The following ATP13A5 variants were observed in gnomAD, a reference collection of about 807,000 sequenced individuals.
ATP13A5 encodes probable cation-transporting ATPase 13A5.
ATP13A5 carries 149 observed loss-of-function variants against 150.2 expected under a neutral mutation model. The observed-to-expected ratio is 0.99, with a 90% CI of 0.87 to 1.14. The LOEUF (loss-of-function observed/expected upper bound fraction) is 1.14. Ranked by LOEUF, ATP13A5 falls within the 50% of genes most tolerant of loss-of-function variation. ATP13A5 has a pLI of 0.00. For synonymous variants in ATP13A5, 497 were observed against 522.2 expected, an observed-to-expected ratio of 0.95 and a Z score of 0.66; for missense variants, 1,383 against 1,449.3, an observed-to-expected ratio of 0.95 and a Z score of 0.74.
intron 9 of ATP13A5, among the ~76,000 whole-genome samples, chr3:193,339,849 T>C (rs1464889015): frequency 6.6e-6 from 1 of 152,178 alleles, no homozygotes; most frequent in African/African-American, 2.4e-5. Context: ...TAGGCTAACA[T>C]CAGTAAACTG....
intron 7 of ATP13A5, among the ~76,000 whole-genome samples, chr3:193,349,459 T>C (rs1560145182): frequency 6.6e-6 from 1 of 151,380 alleles, no homozygotes; most frequent in Non-Finnish European, 1.5e-5. Flanking sequence ...GGAGTTCTTA[T>C]AAGCAAAACA....
intron 8 of ATP13A5, 104 bp from the exon 9 acceptor site, chr3:193,344,159 C>G: frequency 7.1e-7 from 1 of 1,413,734 alleles, no homozygotes; most frequent in Non-Finnish European, 9.5e-7. Context: ...AAGAGCTACC[C>G]TACCTGTTCA....
At chr3:193,319,509 A>C (rs532426816) in intron 16 of ATP13A5, among the ~76,000 whole-genome samples, 65 of 152,364 alleles carry the variant, frequency 4.3e-4, no homozygotes, top group African/African-American at 1.4e-3. Flanking sequence ...GGAAGAAGGC[A>C]ACCATCTGCA....
At chr3:193,285,891 C>T (rs528800773) in intron 26 of ATP13A5, among the ~76,000 whole-genome samples, 1 of 152,264 alleles carries the variant, frequency 6.6e-6, no homozygotes, top group African/African-American at 2.4e-5. Flanking sequence ...CGGTTAAAGG[C>T]AATAACACAT....
At chr3:193,337,352 A>AG (rs1235598425) in intron 9 of ATP13A5, among the ~76,000 whole-genome samples, 2 of 152,152 alleles carry the variant, frequency 1.3e-5, no homozygotes, top group Non-Finnish European at 2.9e-5. Flanking sequence ...GTTTTCTTCT[A>AG]GGGTTTTTAT....
At chr3:193,280,304 G>T (rs557798566) in intron 27 of ATP13A5, among the ~76,000 whole-genome samples, 1 of 151,978 alleles carries the variant, frequency 6.6e-6, no homozygotes, top group African/African-American at 2.4e-5. Flanking sequence ...CACCCGCCTC[G>T]GCCTCCCAAA....
chr3:193,338,978 G>A (rs1056461319), intron 9 of ATP13A5, among the ~76,000 whole-genome samples: 8 of 152,120 alleles, frequency 5.3e-5, no homozygotes, highest in South Asian at 2.1e-4. Context: ...TGTATATGTC[G>A]AGGAATTTAT....
intron 10 of ATP13A5, 108 bp from the exon 11 acceptor site, chr3:193,334,015 C>CTACCTAA (rs1711749340): frequency 1.0e-6 from 1 of 966,172 alleles, no homozygotes; most frequent in Non-Finnish European, 1.5e-6. Context: ...CTCTAACCTT[C>CTACCTAA]TACCTAATCA....
chr3:193,357,949 C>G (rs1007689358), intron 5 of ATP13A5, among the ~76,000 whole-genome samples: 3 of 142,924 alleles, frequency 2.1e-5, no homozygotes, highest in African/African-American at 8.3e-5. Context: ...GGTCCATGTC[C>G]CTTTTCATTT....
chr3:193,301,355 T>A (rs764945983), intron 23 of ATP13A5, 48 bp from the exon 24 acceptor site: 2 of 1,393,318 alleles, frequency 1.4e-6, no homozygotes, highest in Non-Finnish European at 2.0e-6. Flanking sequence ...ATGATAAATG[T>A]CTCCCAACTT....
At chr3:193,302,069 C>G (rs186160501) in intron 23 of ATP13A5, among the ~76,000 whole-genome samples, 11 of 152,244 alleles carry the variant, frequency 7.2e-5, no homozygotes, top group Admixed American at 5.2e-4. Context: ...GGGACCTCAG[C>G]AAACCAGCTC....
chr3:193,325,591 G>A (rs761488248), intron 13 of ATP13A5, among the ~76,000 whole-genome samples: 1 of 152,218 alleles, frequency 6.6e-6, no homozygotes, highest in Non-Finnish European at 1.5e-5. Flanking sequence ...TCTGCAGAAA[G>A]CCACACAGCC....
intron 25 of ATP13A5, among the ~76,000 whole-genome samples, chr3:193,291,958 T>A (rs1045222692): frequency 3.9e-5 from 6 of 152,108 alleles, no homozygotes; most frequent in Admixed American, 2.0e-4. Context: ...TTGTAGCAAA[T>A]TGTTGAACCC....
intron 17 of ATP13A5, among the ~76,000 whole-genome samples, chr3:193,317,916 C>A (rs971528865): frequency 1.3e-5 from 2 of 152,224 alleles, no homozygotes; most frequent in Admixed American, 1.3e-4. Context: ...TTTCTTCACA[C>A]ATGTCCTTAA....
intron 25 of ATP13A5, among the ~76,000 whole-genome samples, chr3:193,296,323 G>T (rs948881670): frequency 5.9e-5 from 9 of 152,090 alleles, no homozygotes; most frequent in African/African-American, 2.2e-4. Context: ...AAATGTGGGT[G>T]TTGCCATGTT....
At chr3:193,301,382 G>T in intron 23 of ATP13A5, 75 bp from the exon 24 acceptor site, 1 of 1,119,200 alleles carries the variant, frequency 8.9e-7, no homozygotes, top group Non-Finnish European at 1.3e-6. Context: ...TACTTAAAAC[G>T]AGTTATATTT....
At chr3:193,299,343 AT>A in intron 24 of ATP13A5, 140 bp from the exon 25 acceptor site, 1 of 598,766 alleles carries the variant, frequency 1.7e-6, no homozygotes, top group East Asian at 3.0e-5. Context: ...CTAACCTAAA[AT>A]TATTAGCATC....
chr3:193,365,428 T>C (rs1431696775), intron 1 of ATP13A5, among the ~76,000 whole-genome samples: 1 of 152,122 alleles, frequency 6.6e-6, no homozygotes, highest in East Asian at 1.9e-4. Flanking sequence ...TTTGAGATTA[T>C]TCAAATAAGG....
chr3:193,301,334 A>G (rs902594346), intron 23 of ATP13A5, 27 bp from the exon 24 acceptor site: 3 of 1,575,188 alleles, frequency 1.9e-6, no homozygotes, highest in African/African-American at 2.7e-5. Context: ...AAAAATAAAA[A>G]TTGGTTATGT....
Sources: gnomAD v4.1 joint callset for allele counts (sites outside exome capture counted in the v4.1 genomes callset) on GRCh38, gnomAD v4.1.1 for gene constraint, MANE v1.5 for transcripts, NCBI Gene and HGNC (gene_info 2026-07-23, HGNC 2026-07-21) for gene names.